Variants in ATP2B4 observed in about 807,000 individuals in gnomAD.
ATP2B4 encodes plasma membrane calcium-transporting ATPase 4.
In ATP2B4, 39 loss-of-function variants were observed where a neutral mutation model predicts 110.3. That is an observed-to-expected ratio of 0.35 (90% CI 0.27 to 0.46). The LOEUF (loss-of-function observed/expected upper bound fraction) is 0.46. Ranked by LOEUF, ATP2B4 falls within the 20% of genes least tolerant of loss-of-function variation. ATP2B4 has a pLI of 1.00. For missense variants in ATP2B4, 1,135 were observed against 1,530.9 expected (o/e 0.74, Z 4.32); for synonymous variants, 538 against 571.7 (o/e 0.94, Z 0.84).
chr1:203,710,968 G>A lies in ATP2B4; in HGVS notation c.1891G>A (p.Ala631Thr), dbSNP rs746943979. 1 of 1,614,076 alleles carries A rather than the reference G, an allele frequency of 6.2e-7. No homozygotes were observed. The highest frequency in any genetic ancestry group is 8.5e-7 in the Non-Finnish European group (1 of 1,179,962). The change falls in exon 12 of 21, where the codon GCC becomes ACC. Residue 631 changes from alanine (A) to threonine (T), a missense_variant. Physicochemically the swap from Ala to Thr is moderately conservative, Grantham distance 58 (BLOSUM62 0). This residue lies in a region of ATP2B4 where 368 missense variants were observed against 455.9 expected (regional missense o/e 0.81). Transcript: ENST00000357681. ...GGTACGCACTGTCATCGAGCCCATG[G>A]CCTGTGATGGACTCCGGACTATCTG... ...DMVRTVIEPM[A>T]CDGLRTICIA...
intron 1 of ATP2B4, chr1:203,657,800 G>A: frequency 1.8e-6 from 1 of 564,312 alleles, no homozygotes; most frequent in Non-Finnish European, 3.2e-6. Context: ...CCCCTGAGGT[G>A]CGAAAACACT....
Position 203,626,972 on chromosome 1 carries a change from C to G in ATP2B4, c.-712C>G, listed in dbSNP as rs1663107735. On this transcript the variant is annotated 5_prime_UTR_variant, in exon 1 of 21. Coordinates refer to ENST00000357681, the MANE Select transcript of ATP2B4 (RefSeq NM_001684.5). ...CCGAAGAGAGCAAGATCAGAGACACCCGCCCAGCTCTCCTGCACCCTTTTT... is the reference window on the plus strand; with the variant it reads ...CCGAAGAGAGCAAGATCAGAGACACGCGCCCAGCTCTCCTGCACCCTTTTT... 6.6e-6 allele frequency: 1 copy of G among 152,418 alleles called. No homozygotes were observed. Among genetic ancestry groups the G allele is most frequent in the Non-Finnish European group, 1.5e-5 (1 of 68,166 alleles). 9.4% of individuals were successfully genotyped at this position (152,418 alleles called of 1,614,324 possible). A position where few individuals can be genotyped will look rare whatever the true frequency, so the allele number is the denominator to read the frequency against.
At chr1:203,702,327 G>A (rs1410480105) in intron 7 of ATP2B4, among the ~76,000 whole-genome samples, 1 of 152,094 alleles carries the variant, frequency 6.6e-6, no homozygotes, top group East Asian at 1.9e-4. Flanking sequence ...TTTGTCTTGG[G>A]GAGTGTGTAG....
At chr1:203,698,553 C>T (rs867113058) in intron 3 of ATP2B4, among the ~76,000 whole-genome samples, 199 bp downstream of exon 3, 5 of 152,070 alleles carry the variant, frequency 3.3e-5, no homozygotes, top group Non-Finnish European at 5.9e-5. Flanking sequence ...TTCCTCCCCA[C>T]CCCACCCTCA....
At chr1:203,687,994 G>GATT (rs71145015) in intron 2 of ATP2B4, among the ~76,000 whole-genome samples, 43,246 of 137,650 alleles carry the variant, frequency 0.31, 7,627 homozygotes, top group Non-Finnish European at 0.4. Flanking sequence ...GAGAGAAAGA[G>GATT]ATTATTATTA....
intron 1 of ATP2B4, among the ~76,000 whole-genome samples, chr1:203,677,242 A>G (rs1330251395): frequency 6.6e-6 from 1 of 152,174 alleles, no homozygotes; most frequent in Admixed American, 6.5e-5. Context: ...CATAATACAT[A>G]GGGGTATGTA....
intron 20 of ATP2B4, chr1:203,729,695 G>A (rs1666640725): frequency 7.5e-7 from 1 of 1,331,636 alleles, no homozygotes; most frequent in South Asian, 1.2e-5. Context: ...CAGCTCCCTG[G>A]GGACACAGGT....
At chr1:203,662,660 A>G (rs761654063) in intron 1 of ATP2B4, among the ~76,000 whole-genome samples, 4 of 152,224 alleles carry the variant, frequency 2.6e-5, no homozygotes, top group Non-Finnish European at 4.4e-5. Flanking sequence ...TCCTTGAATA[A>G]TAATTCCATT....
chr1:203,645,920 A>G (rs1410118649), intron 1 of ATP2B4, among the ~76,000 whole-genome samples: 1 of 151,806 alleles, frequency 6.6e-6, no homozygotes, highest in Non-Finnish European at 1.5e-5. Flanking sequence ...ACGTTGACAT[A>G]GTTAAACCCT....
intron 13 of ATP2B4, among the ~76,000 whole-genome samples, chr1:203,712,381 A>G (rs1666037247): frequency 6.6e-6 from 1 of 152,124 alleles, no homozygotes. Context: ...TCACAAGGTC[A>G]AGAGATAGAG....
At chr1:203,666,887 A>G (rs2102339309) in intron 1 of ATP2B4, among the ~76,000 whole-genome samples, 1 of 152,320 alleles carries the variant, frequency 6.6e-6, no homozygotes, top group South Asian at 2.1e-4. Flanking sequence ...CACTTTGACC[A>G]TCTTGGAAGT....
chr1:203,666,795 A>G (rs1664517521), intron 1 of ATP2B4, among the ~76,000 whole-genome samples: 1 of 152,160 alleles, frequency 6.6e-6, no homozygotes, highest in African/African-American at 2.4e-5. Flanking sequence ...TAGGAAGAAA[A>G]AGGCAGTTCC....
chr1:203,713,352 G>A (rs771178299), intron 14 of ATP2B4, 100 bp downstream of exon 14: 55 of 1,370,974 alleles, frequency 4.0e-5, no homozygotes, highest in South Asian at 1.1e-4. Context: ...TGTCCAAATA[G>A]GGAGGTCCTA....
chr1:203,659,568 G>C (rs978967026), intron 1 of ATP2B4, among the ~76,000 whole-genome samples: 3 of 152,322 alleles, frequency 2.0e-5, no homozygotes, highest in Admixed American at 6.5e-5. Context: ...AGGAGGCTGA[G>C]GTGGGAGGAT....
intron 1 of ATP2B4, among the ~76,000 whole-genome samples, chr1:203,681,656 T>A (rs10751449): frequency 0.83 from 126,030 of 151,482 alleles, 53,249 homozygotes; most frequent in East Asian, 1. Flanking sequence ...AGCCCTCCGT[T>A]TTGTCACCTA....
chr1:203,669,991 T>G (rs1664614379), intron 1 of ATP2B4, among the ~76,000 whole-genome samples: 2 of 152,160 alleles, frequency 1.3e-5, no homozygotes, highest in South Asian at 4.1e-4. Context: ...CTGCCCTTTG[T>G]CTCTTTCAAC....
Position 203,629,108 on chromosome 1 carries a change from G to A in ATP2B4, c.-465+1889G>A, listed in dbSNP as rs1413511798. 6.6e-6 allele frequency among the ~76,000 whole-genome samples: 1 copy of A among 152,178 alleles called. No homozygotes were observed. Among genetic ancestry groups the A allele is most frequent in the African/African-American group, 2.4e-5 (1 of 41,436 alleles). The stretch of plus-strand genomic sequence containing the variant: ...GAGGAGAGCTCATCTCGGGGCTGGG[G>A]ATGCAACAGGAACGATTTGATTTTC... On this transcript the variant is annotated intron_variant, in intron 1 of 20. Coordinates refer to ENST00000357681, the MANE Select transcript of ATP2B4 (RefSeq NM_001684.5). This position sits in a 1 kb window ranked among gnomAD's most constrained non-coding sequence, Gnocchi z 4.6.
chr1:203,676,843 G>T (rs1487493420), intron 1 of ATP2B4, among the ~76,000 whole-genome samples: 2 of 152,048 alleles, frequency 1.3e-5, no homozygotes, highest in Non-Finnish European at 2.9e-5. Flanking sequence ...GGACAAGGGG[G>T]AAGGGAGGGT....
intron 1 of ATP2B4, among the ~76,000 whole-genome samples, chr1:203,661,741 T>G (rs892518615): frequency 1.3e-5 from 2 of 152,180 alleles, no homozygotes; most frequent in South Asian, 4.1e-4. Context: ...CCAGGTCCCT[T>G]GAGTTCTTTG....
Sources: gnomAD v4.1 joint callset for allele counts (sites outside exome capture counted in the v4.1 genomes callset) on GRCh38, gnomAD v4.1.1 for gene constraint, gnomAD v4.1.1 regional missense constraint, Gnocchi (gnomAD v3.1) non-coding constraint, MANE v1.5 for transcripts, NCBI Gene and HGNC (gene_info 2026-07-23, HGNC 2026-07-21) for gene names.